Variants in TBC1D4 observed in about 807,000 individuals in gnomAD.
The protein encoded by TBC1D4 is TBC1 domain family member 4.
TBC1D4 carries 121 observed loss-of-function variants against 142.5 expected under a neutral mutation model. The observed-to-expected ratio is 0.85, with a 90% confidence interval of 0.73 to 0.99. TBC1D4 has a LOEUF of 0.99. TBC1D4 is among the 50% of genes least tolerant of loss of function. The pLI, the probability that TBC1D4 is intolerant of heterozygous loss-of-function variation, is 0.00. For missense variants in TBC1D4, 1,475 were observed against 1,606.6 expected, an observed-to-expected ratio of 0.92 and a Z score of 1.40; for synonymous variants, 630 against 628.2, an observed-to-expected ratio of 1.00 and a Z score of -0.04.
intron 1 of TBC1D4, among the ~76,000 whole-genome samples, chr13:75,380,365 C>T (rs906315914): frequency 4.6e-5 from 7 of 151,750 alleles, no homozygotes; most frequent in Middle Eastern, 3.4e-3. Context: ...CCCAGCTACT[C>T]GGGAGGCTAA....
intron 1 of TBC1D4, among the ~76,000 whole-genome samples, chr13:75,477,131 T>C (rs7994805): frequency 0.28 from 42,876 of 152,050 alleles, 6,377 homozygotes; most frequent in African/African-American, 0.35. Context: ...AAAAAAGAGA[T>C]AGATCTATCT....
chr13:75,480,075 G>C (rs1027543666), intron 1 of TBC1D4, among the ~76,000 whole-genome samples: 6 of 150,642 alleles, frequency 4.0e-5, no homozygotes, highest in African/African-American at 1.5e-4. Context: ...TGAAATCTAA[G>C]ACAATGAACT....
At chr13:75,322,404 A>C (rs73531920) in intron 11 of TBC1D4, among the ~76,000 whole-genome samples, 7,248 of 152,244 alleles carry the variant, frequency 0.048, 396 homozygotes, top group African/African-American at 0.13. Flanking sequence ...CCCAAAACTA[A>C]TGTGTATTTG....
chr13:75,393,882 G>A (rs1361030529), intron 1 of TBC1D4, among the ~76,000 whole-genome samples: 2 of 150,452 alleles, frequency 1.3e-5, no homozygotes, highest in African/African-American at 4.9e-5. Context: ...AGCAGAGATC[G>A]TGCCATTGCA....
chr13:75,462,932 C>T (rs1888029842), intron 1 of TBC1D4, among the ~76,000 whole-genome samples: 1 of 152,108 alleles, frequency 6.6e-6, no homozygotes, highest in Non-Finnish European at 1.5e-5. Context: ...TATCTAGCTT[C>T]AGCAAAGCAT....
At chr13:75,322,232 C>T (rs998047306) in intron 11 of TBC1D4, among the ~76,000 whole-genome samples, 2 of 152,150 alleles carry the variant, frequency 1.3e-5, no homozygotes, top group Non-Finnish European at 2.9e-5. Flanking sequence ...GAAAAGGGTA[C>T]AAACAAGTAC....
chr13:75,301,976 T>G (rs1271561033), intron 16 of TBC1D4, among the ~76,000 whole-genome samples: 1 of 152,166 alleles, frequency 6.6e-6, no homozygotes, highest in Non-Finnish European at 1.5e-5. Context: ...CACCCCATAA[T>G]ATGACCTTTA....
Position 75,362,056 on chromosome 13 carries a change from G to A in TBC1D4, c.1050C>T (p.Asp350=). 6.2e-7 allele frequency: 1 copy of A among 1,614,148 alleles called. No homozygotes were observed. Among genetic ancestry groups the A allele is most frequent in the Non-Finnish European group, 8.5e-7 (1 of 1,180,028 alleles). ...ASAPSHVQPS[D]SEKNRTMLFQ... is the part of the protein sequence containing the mutation. ...AGAGCATGGTCCTGTTCTTCTCCGA[G>A]TCCGAGGGCTGGACGTGACTGGGTG... The change falls in exon 2 of 21, where the codon GAC becomes GAT. Residue 350 remains aspartate, a synonymous_variant. Transcript: ENST00000377636. The surrounding 1 kb of genome is among the most constrained non-coding windows in gnomAD (Gnocchi z 4.2).
intron 17 of TBC1D4, among the ~76,000 whole-genome samples, chr13:75,297,864 G>C (rs1245959998): frequency 1.3e-5 from 2 of 151,706 alleles, no homozygotes; most frequent in African/African-American, 4.8e-5. Flanking sequence ...CCTACGAATA[G>C]TCATCAATGA....
At chr13:75,446,625 A>C (rs1338983967) in intron 1 of TBC1D4, among the ~76,000 whole-genome samples, 1 of 152,252 alleles carries the variant, frequency 6.6e-6, no homozygotes, top group Non-Finnish European at 1.5e-5. Flanking sequence ...CCAGCACCTC[A>C]GTGGAAACAG....
intron 1 of TBC1D4, among the ~76,000 whole-genome samples, chr13:75,457,897 C>T (rs920658292): frequency 2.6e-5 from 4 of 152,112 alleles, no homozygotes; most frequent in African/African-American, 7.2e-5. Context: ...CCCTGTTGCT[C>T]GCACAAACCC....
chr13:75,431,889 T>C (rs1886604851), intron 1 of TBC1D4, among the ~76,000 whole-genome samples: 1 of 152,138 alleles, frequency 6.6e-6, no homozygotes, highest in South Asian at 2.1e-4. Flanking sequence ...TTAAGAAATA[T>C]TGAGAGGAAC....
chr13:75,329,086 C>T (rs1161069215), intron 8 of TBC1D4, among the ~76,000 whole-genome samples: 2 of 152,086 alleles, frequency 1.3e-5, no homozygotes. Context: ...ATTCTTACCT[C>T]ATTATATACC....
intron 1 of TBC1D4, among the ~76,000 whole-genome samples, chr13:75,420,490 T>G (rs1886118444): frequency 6.6e-6 from 1 of 152,240 alleles, no homozygotes; most frequent in African/African-American, 2.4e-5. Flanking sequence ...ATAAACTTCC[T>G]TCTATAGTGT....
rs997134355 is a variant in TBC1D4 at position 75,421,193 on chromosome 13, C to T, written c.499-58586G>A. 5.3e-5 allele frequency among the ~76,000 whole-genome samples: 8 copies of T among 152,330 alleles called. No individual in the cohort carries two copies. In the East Asian group the frequency reaches 1.5e-3, roughly 29 times the overall value. ...GCTCAGGTATCTGAGGTACTTCTCA[C>T]TCACTGTGTGCAGATGATGCCTCAG... On this transcript the variant is annotated intron_variant, in intron 1 of 20. Coordinates refer to ENST00000377636, the MANE Select transcript of TBC1D4 (RefSeq NM_014832.5).
At chr13:75,297,732 G>C (rs1203354262) in intron 17 of TBC1D4, among the ~76,000 whole-genome samples, 1 of 151,198 alleles carries the variant, frequency 6.6e-6, no homozygotes, top group Non-Finnish European at 1.5e-5. Flanking sequence ...ACTCCTGCCT[G>C]GGTGACAGAG....
chr13:75,471,723 G>A (rs1165171582), intron 1 of TBC1D4, among the ~76,000 whole-genome samples: 4 of 133,318 alleles, frequency 3.0e-5, no homozygotes, highest in South Asian at 2.7e-4. Flanking sequence ...CCTAGGTGAC[G>A]GTGAGACTGT....
Position 75,465,864 on chromosome 13 carries a change from A to G in TBC1D4, c.498+15406T>C, listed in dbSNP as rs1888146051. On this transcript the variant is annotated intron_variant, in intron 1 of 20. Transcript: ENST00000377636. Reference sequence around the variant, plus strand: ...TATCTTAACCCACACATTCCTTTCCATTGATTCTAAGTCTTTAGAAAATAA... The same window carrying G: ...TATCTTAACCCACACATTCCTTTCCGTTGATTCTAAGTCTTTAGAAAATAA... Among the ~76,000 whole-genome samples, 3 of 152,104 alleles carry G rather than the reference A, an allele frequency of 2.0e-5. No individual in the cohort carries two copies. In the South Asian group the frequency reaches 6.2e-4, roughly 32 times the overall value.
chr13:75,438,354 T>A (rs1177401685), intron 1 of TBC1D4, among the ~76,000 whole-genome samples: 1 of 152,232 alleles, frequency 6.6e-6, no homozygotes, highest in Non-Finnish European at 1.5e-5. Flanking sequence ...ACTATGCCTT[T>A]CAATATTAGC....
Sources: allele counts gnomAD v4.1 joint callset (sites outside exome capture counted in the v4.1 genomes callset), GRCh38; gene constraint gnomAD v4.1.1; non-coding constraint Gnocchi (gnomAD v3.1); transcripts MANE v1.5; gene names NCBI Gene and HGNC (gene_info 2026-07-23, HGNC 2026-07-21).